KDM4C: variants seen among roughly 807,000 people sequenced by gnomAD.
KDM4C encodes the protein lysine demethylase 4C.
Under a neutral mutation model 129.3 loss-of-function variants are expected in KDM4C, and 81 were observed. That is an observed-to-expected ratio of 0.63 (90% CI 0.52 to 0.75). The LOEUF (loss-of-function observed/expected upper bound fraction) is 0.75, where lower values mean the gene tolerates loss of function less well. KDM4C is among the 30% of genes least tolerant of loss of function. KDM4C has a pLI of 0.00. For synonymous variants in KDM4C, 573 were observed against 456.1 expected (o/e 1.26, Z -3.26); for missense variants, 1,457 against 1,304.0 (o/e 1.12, Z -1.81).
At chr9:6,949,177 C>G (rs1827599444) in intron 8 of KDM4C, among the ~76,000 whole-genome samples, 1 of 148,448 alleles carries the variant, frequency 6.7e-6, no homozygotes, top group South Asian at 2.1e-4. Context: ...GACGGGGTGG[C>G]TGCCGGGCGG....
chr9:6,823,841 C>G (rs1833441033), intron 4 of KDM4C, among the ~76,000 whole-genome samples: 2 of 152,230 alleles, frequency 1.3e-5, no homozygotes, highest in South Asian at 4.1e-4. Flanking sequence ...CTTCAGTACG[C>G]ACCATCACTT....
chr9:6,733,290 G>A (rs1817411276), intron 1 of KDM4C, among the ~76,000 whole-genome samples: 1 of 152,166 alleles, frequency 6.6e-6, no homozygotes, highest in Admixed American at 6.5e-5. Flanking sequence ...GGACCAGCTG[G>A]GTCACAATTG....
chr9:6,872,112 G>GC (rs1414824071), intron 5 of KDM4C, among the ~76,000 whole-genome samples: 1 of 152,172 alleles, frequency 6.6e-6, no homozygotes, highest in African/African-American at 2.4e-5. Flanking sequence ...TCTTAGTCCA[G>GC]CCTATAGGGA....
At chr9:7,126,399 A>G (rs1050467789) in intron 18 of KDM4C, among the ~76,000 whole-genome samples, 1 of 152,198 alleles carries the variant, frequency 6.6e-6, no homozygotes, top group Non-Finnish European at 1.5e-5. Flanking sequence ...CAGCTCTTCT[A>G]CAGGTCTTAA....
chr9:6,750,517 T>C (rs1818033763), intron 1 of KDM4C, among the ~76,000 whole-genome samples: 2 of 151,758 alleles, frequency 1.3e-5, no homozygotes, highest in African/African-American at 4.8e-5. Flanking sequence ...TATAGGAAGT[T>C]GAAATAGCCA....
intron 1 of KDM4C, among the ~76,000 whole-genome samples, chr9:6,761,304 C>T (rs541572096): frequency 7.9e-5 from 12 of 151,888 alleles, no homozygotes; most frequent in African/African-American, 2.2e-4. Context: ...CCACTGTGCC[C>T]GGCCTCTGGA....
intron 1 of KDM4C, among the ~76,000 whole-genome samples, chr9:6,732,365 A>C (rs1173298506): frequency 7.5e-4 from 8 of 10,610 alleles, no homozygotes; most frequent in Admixed American, 1.5e-3. Flanking sequence ...ACTCTGTCTC[A>C]AAAAAAAAAA....
chr9:6,816,267 C>G (rs1188036871), intron 4 of KDM4C, among the ~76,000 whole-genome samples: 4 of 152,192 alleles, frequency 2.6e-5, no homozygotes, highest in African/African-American at 9.6e-5. Flanking sequence ...ATAAAACAAG[C>G]TAGAAAGTGC....
chr9:6,834,043 C>CTTTTTTTTTTT (rs71487860), intron 4 of KDM4C, among the ~76,000 whole-genome samples: 5,106 of 108,940 alleles, frequency 0.047, 488 homozygotes, highest in East Asian at 0.12. Flanking sequence ...AAGAGATAGT[C>CTTTTTTTTTTT]TTTTTTTTTT....
chr9:7,120,467 C>T (rs1005024047), intron 18 of KDM4C, among the ~76,000 whole-genome samples: 24 of 152,102 alleles, frequency 1.6e-4, no homozygotes, highest in African/African-American at 5.8e-4. Flanking sequence ...ACAATTGGAT[C>T]TTATTATTAG....
At chr9:7,169,520 G>C (rs1489628762) in intron 20 of KDM4C, among the ~76,000 whole-genome samples, 4 of 151,940 alleles carry the variant, frequency 2.6e-5, no homozygotes, top group African/African-American at 9.7e-5. Context: ...ATTTTTGTTA[G>C]ACAGGGTTTC....
At chr9:6,939,759 G>A (rs1229113035) in intron 8 of KDM4C, among the ~76,000 whole-genome samples, 2 of 152,174 alleles carry the variant, frequency 1.3e-5, no homozygotes, top group Admixed American at 1.3e-4. Context: ...ACTTTGGTAA[G>A]GATACATTTG....
At chr9:7,148,514 G>A (rs1842425261) in intron 19 of KDM4C, among the ~76,000 whole-genome samples, 1 of 152,152 alleles carries the variant, frequency 6.6e-6, no homozygotes, top group Non-Finnish European at 1.5e-5. Flanking sequence ...GAATTCCAAG[G>A]TCTGGGCACC....
intron 15 of KDM4C, among the ~76,000 whole-genome samples, chr9:7,043,853 T>C (rs1828982121): frequency 1.3e-5 from 2 of 152,170 alleles, no homozygotes; most frequent in South Asian, 2.1e-4. Flanking sequence ...CAGCATACTT[T>C]ACTTAGAAAG....
intron 1 of KDM4C, among the ~76,000 whole-genome samples, chr9:6,745,486 A>G (rs1817842796): frequency 6.6e-6 from 1 of 150,520 alleles, no homozygotes; most frequent in South Asian, 2.1e-4. Flanking sequence ...AGTCCCAGCT[A>G]CTTGGGAGGC....
chr9:7,051,144 T>C (rs1035354728), intron 17 of KDM4C, among the ~76,000 whole-genome samples: 3 of 152,190 alleles, frequency 2.0e-5, no homozygotes, highest in African/African-American at 7.2e-5. Context: ...CATATAATGT[T>C]ATATTTATGG....
chr9:7,114,762 G>C (rs1311275633), intron 18 of KDM4C, among the ~76,000 whole-genome samples: 1 of 152,108 alleles, frequency 6.6e-6, no homozygotes, highest in Non-Finnish European at 1.5e-5. Context: ...TGGAACCAGG[G>C]AGCCCCTTAG....
chr9:7,134,773 C>G (rs1020419221), intron 19 of KDM4C, among the ~76,000 whole-genome samples: 13 of 152,200 alleles, frequency 8.5e-5, no homozygotes, highest in Non-Finnish European at 4.4e-5. Context: ...ATCATAGAAT[C>G]TGAAGGCCAT....
chr9:6,786,095 C>G (rs1302959671), intron 1 of KDM4C, among the ~76,000 whole-genome samples: 1 of 152,046 alleles, frequency 6.6e-6, no homozygotes, highest in East Asian at 1.9e-4. Context: ...ACAATGAGAG[C>G]TGTCAGTTTT....
Sources: gnomAD v4.1 joint callset for allele counts (sites outside exome capture counted in the v4.1 genomes callset) on GRCh38, gnomAD v4.1.1 for gene constraint, MANE v1.5 for transcripts, NCBI Gene and HGNC (gene_info 2026-07-23, HGNC 2026-07-21) for gene names.